The following FRMD5 variants were observed in gnomAD, a reference collection of about 807,000 sequenced individuals.
The protein encoded by FRMD5 is FERM domain-containing protein 5.
Under a neutral mutation model 69.0 loss-of-function variants are expected in FRMD5, and 20 were observed. That is an observed-to-expected ratio of 0.29 (90% CI 0.20 to 0.42). FRMD5 has a LOEUF of 0.42. Ranked by LOEUF, FRMD5 falls within the 10% of genes least tolerant of loss-of-function variation. FRMD5 has a pLI of 1.00. For synonymous variants in FRMD5, 271 were observed against 260.1 expected (o/e 1.04, Z -0.40); for missense variants, 595 against 708.6 (o/e 0.84, Z 1.82).
intron 1 of FRMD5, among the ~76,000 whole-genome samples, chr15:44,183,299 G>A (rs891983792): frequency 3.9e-5 from 6 of 152,074 alleles, no homozygotes; most frequent in Non-Finnish European, 8.8e-5. Context: ...ATGCTAAAAC[G>A]CTCCTGTTAT....
chr15:43,920,608 T>C (rs2089477193), intron 2 of FRMD5, among the ~76,000 whole-genome samples: 1 of 152,172 alleles, frequency 6.6e-6, no homozygotes, highest in African/African-American at 2.4e-5. Flanking sequence ...TTATTATTGA[T>C]GTTTGTTGCT....
chr15:44,049,604 T>C (rs1305578352), intron 1 of FRMD5, among the ~76,000 whole-genome samples: 2 of 152,242 alleles, frequency 1.3e-5, no homozygotes, highest in African/African-American at 2.4e-5. Flanking sequence ...AGAATAGATA[T>C]TTGTTTCATA....
rs1460950505 is a variant in FRMD5 at position 43,872,581 on chromosome 15, T to C, written c.*1304A>G. 1 of 152,426 alleles carries C rather than the reference T, an allele frequency of 6.6e-6. No individual in the cohort carries two copies. The highest frequency in any genetic ancestry group is 2.4e-5 in the African/African-American group (1 of 41,468). 9.4% of individuals were successfully genotyped at this position (152,426 alleles called of 1,614,324 possible). On this transcript the variant is annotated 3_prime_UTR_variant, in exon 14 of 14. Coordinates refer to ENST00000417257, the MANE Select transcript of FRMD5 (RefSeq NM_032892.5). Reference sequence around the variant, plus strand: ...CGAGGACTTCCCTCTGCAAGGATGGTGATGCTTTCCTAGAACTTATGCAGA... The same window carrying C: ...CGAGGACTTCCCTCTGCAAGGATGGCGATGCTTTCCTAGAACTTATGCAGA...
At chr15:44,176,989 C>T (rs1480821383) in intron 1 of FRMD5, among the ~76,000 whole-genome samples, 11 of 137,828 alleles carry the variant, frequency 8.0e-5, no homozygotes, top group Admixed American at 2.9e-4. Context: ...AAAAAAAAGG[C>T]AGACAATAGT....
At chr15:44,081,632 A>G (rs1440513814) in intron 1 of FRMD5, among the ~76,000 whole-genome samples, 1 of 152,098 alleles carries the variant, frequency 6.6e-6, no homozygotes, top group Non-Finnish European at 1.5e-5. Context: ...GGATTAATAA[A>G]AAGAATTATT....
chr15:43,918,051 C>T (rs1055970884), intron 4 of FRMD5, among the ~76,000 whole-genome samples: 6 of 152,190 alleles, frequency 3.9e-5, no homozygotes, highest in Non-Finnish European at 7.3e-5. Flanking sequence ...TTCTTGGCCC[C>T]CTCCTCTCCC....
intron 1 of FRMD5, among the ~76,000 whole-genome samples, chr15:44,105,633 A>G (rs1259148878): frequency 6.6e-6 from 1 of 152,152 alleles, no homozygotes; most frequent in East Asian, 1.9e-4. Context: ...TGAGAATTTA[A>G]AGGTTTAGAG....
At chr15:44,176,601 A>C (rs1566986792) in intron 1 of FRMD5, among the ~76,000 whole-genome samples, 1 of 152,204 alleles carries the variant, frequency 6.6e-6, no homozygotes, top group Non-Finnish European at 1.5e-5. Context: ...GACAACTCAC[A>C]GACTAGGAGA....
chr15:43,892,040 G>A lies in FRMD5; in HGVS notation c.669C>T (p.Ala223=). ...KDVSGNAAFL[A]FTPFGFVVLQ... is the part of the protein sequence containing the mutation. ...GAACAACAAACCCAAAAGGAGTGAAGGCCAGAAATGCAGCATTTCCTGACA... is the reference window on the plus strand; with the variant it reads ...GAACAACAAACCCAAAAGGAGTGAAAGCCAGAAATGCAGCATTTCCTGACA... Residue 223 remains alanine (A), a synonymous_variant, in exon 8 of 14, where the codon GCC becomes GCT. Coordinates refer to ENST00000417257, the MANE Select transcript of FRMD5 (RefSeq NM_032892.5). The A allele has an allele frequency of 1.2e-6, 2 of 1,614,144 alleles. No homozygotes were observed. The highest frequency in any genetic ancestry group is 1.7e-6 in the Non-Finnish European group (2 of 1,179,998).
intron 1 of FRMD5, among the ~76,000 whole-genome samples, chr15:43,966,993 G>A (rs1014861640): frequency 6.6e-6 from 1 of 152,092 alleles, no homozygotes; most frequent in Non-Finnish European, 1.5e-5. Flanking sequence ...AGAAAAGGAA[G>A]ATATTTCAGT....
At chr15:43,900,251 C>A (rs1222060095) in intron 7 of FRMD5, among the ~76,000 whole-genome samples, 1 of 152,194 alleles carries the variant, frequency 6.6e-6, no homozygotes, top group African/African-American at 2.4e-5. Flanking sequence ...CCAAAGCTCT[C>A]TTCACTCCTG....
intron 2 of FRMD5, among the ~76,000 whole-genome samples, chr15:43,920,634 T>G (rs1361872350): frequency 2.0e-5 from 3 of 152,214 alleles, no homozygotes; most frequent in African/African-American, 7.2e-5. Flanking sequence ...CTAATCAAGA[T>G]TAGGTAGGAC....
rs992846266 is a variant in FRMD5 at position 43,888,277 on chromosome 15, T to A, written c.793-11A>T. 11 of 1,591,298 alleles carry A rather than the reference T, an allele frequency of 6.9e-6. No homozygotes were observed. The highest frequency in any genetic ancestry group is 9.5e-6 in the Non-Finnish European group (11 of 1,159,512). On this transcript the variant is annotated splice_polypyrimidine_tract_variant and intron_variant, in intron 9 of 13. Coordinates refer to ENST00000417257, the MANE Select transcript of FRMD5 (RefSeq NM_032892.5). Reference sequence around the variant, plus strand: ...AATAATTTTCTTTTCCTGCAAAAAATTCCACATTGATATGGCTGAGTGTGG... The same window carrying A: ...AATAATTTTCTTTTCCTGCAAAAAAATCCACATTGATATGGCTGAGTGTGG...
At chr15:44,192,868 A>T (rs1280596114) in intron 1 of FRMD5, among the ~76,000 whole-genome samples, 1 of 152,182 alleles carries the variant, frequency 6.6e-6, no homozygotes, top group Non-Finnish European at 1.5e-5. Flanking sequence ...GTGGACACTT[A>T]CTACAGTGTG....
intron 1 of FRMD5, among the ~76,000 whole-genome samples, chr15:44,158,150 C>A (rs2077556113): frequency 6.6e-6 from 1 of 152,096 alleles, no homozygotes; most frequent in Non-Finnish European, 1.5e-5. Context: ...AATTTTAGAG[C>A]CTCTGTCTCA....
At chr15:43,884,599 A>G in intron 12 of FRMD5, 128 bp downstream of exon 12, 3 of 695,962 alleles carry the variant, frequency 4.3e-6, no homozygotes, top group Middle Eastern at 3.9e-4. Flanking sequence ...AAGTTTCTTC[A>G]GCCTTCTGCT....
chr15:43,883,228 T>C (rs2088579714), intron 13 of FRMD5, among the ~76,000 whole-genome samples: 1 of 151,696 alleles, frequency 6.6e-6, no homozygotes, highest in Admixed American at 6.6e-5. Context: ...GCCCCCCGAG[T>C]AGCTGGGATT....
chr15:44,031,763 C>G (rs1299379730), intron 1 of FRMD5, among the ~76,000 whole-genome samples: 3 of 152,080 alleles, frequency 2.0e-5, no homozygotes, highest in African/African-American at 7.2e-5. Flanking sequence ...ATGATATTCC[C>G]CAATCATCTT....
At chr15:43,880,834 T>C (rs2088505430) in intron 13 of FRMD5, among the ~76,000 whole-genome samples, 1 of 152,210 alleles carries the variant, frequency 6.6e-6, no homozygotes, top group Non-Finnish European at 1.5e-5. Flanking sequence ...CTCTCCCCAC[T>C]GTACGTCTCT....
Sources: gnomAD v4.1 joint callset for allele counts (sites outside exome capture counted in the v4.1 genomes callset) on GRCh38, gnomAD v4.1.1 for gene constraint, MANE v1.5 for transcripts, NCBI Gene and HGNC (gene_info 2026-07-23, HGNC 2026-07-21) for gene names.